Variants in NEDD4L observed in about 807,000 individuals in gnomAD.
NEDD4L encodes NEDD4 like E3 ubiquitin protein ligase, also known as E3 ubiquitin-protein ligase NEDD4-like.
NEDD4L carries 54 observed loss-of-function variants against 148.9 expected under a neutral mutation model. The ratio of observed to expected loss-of-function variants is 0.36; its 90% CI spans 0.29 to 0.45. NEDD4L has a LOEUF of 0.45. NEDD4L is among the 20% of genes least tolerant of loss of function. The pLI is 1.00. For synonymous variants in NEDD4L, 433 were observed against 440.7 expected (o/e 0.98, Z 0.22); for missense variants, 856 against 1,233.8 (o/e 0.69, Z 4.59).
intron 5 of NEDD4L, among the ~76,000 whole-genome samples, chr18:58,303,030 G>T (rs1290152569): frequency 6.6e-6 from 1 of 152,234 alleles, no homozygotes; most frequent in Non-Finnish European, 1.5e-5. Context: ...ATGCAAAAGT[G>T]AAGTAGACAC....
intron 5 of NEDD4L, among the ~76,000 whole-genome samples, chr18:58,284,064 A>G (rs1405877985): frequency 6.6e-6 from 1 of 152,210 alleles, no homozygotes; most frequent in East Asian, 1.9e-4. Context: ...CTCAGCCTTC[A>G]GAAGGAACCA....
chr18:58,241,642 G>A (rs2148349968), intron 2 of NEDD4L, among the ~76,000 whole-genome samples: 1 of 151,702 alleles, frequency 6.6e-6, no homozygotes, highest in South Asian at 2.1e-4. Context: ...GCTGCTGACT[G>A]CTTTTTTCCT....
At chr18:58,076,890 AC>A (rs2083192350) in intron 1 of NEDD4L, among the ~76,000 whole-genome samples, 1 of 139,662 alleles carries the variant, frequency 7.2e-6, no homozygotes, top group Admixed American at 7.8e-5. Flanking sequence ...TTGCTGTGTC[AC>A]CCAGGCTGGA....
At chr18:58,342,330 A>G (rs2042541162) in intron 15 of NEDD4L, among the ~76,000 whole-genome samples, 2 of 152,194 alleles carry the variant, frequency 1.3e-5, no homozygotes, top group South Asian at 4.1e-4. Flanking sequence ...TTAACATCAC[A>G]AATGTCAGAG....
chr18:58,180,043 A>G (rs78182801), intron 2 of NEDD4L, among the ~76,000 whole-genome samples: 1,902 of 152,198 alleles, frequency 0.012, 47 homozygotes, highest in African/African-American at 0.044. Flanking sequence ...TATTCTCTCT[A>G]TTCCTCCACC....
At chr18:58,127,641 C>T (rs1047909302) in intron 1 of NEDD4L, among the ~76,000 whole-genome samples, 4 of 151,890 alleles carry the variant, frequency 2.6e-5, no homozygotes, top group Admixed American at 6.6e-5. Context: ...AGATTGAGAC[C>T]ATCCTGGCCT....
chr18:58,289,296 G>A (rs1174844724), intron 5 of NEDD4L, among the ~76,000 whole-genome samples: 2 of 152,120 alleles, frequency 1.3e-5, no homozygotes, highest in Non-Finnish European at 2.9e-5. Flanking sequence ...AGGGGCAGGT[G>A]GGAGGAAGTC....
intron 1 of NEDD4L, among the ~76,000 whole-genome samples, chr18:58,149,771 C>G (rs577045894): frequency 4.9e-4 from 75 of 152,144 alleles, no homozygotes; most frequent in Non-Finnish European, 1.0e-3. Flanking sequence ...CAAGTCTAAC[C>G]AGGCCTGATT....
At chr18:58,395,995 C>T (rs1428459355) in intron 30 of NEDD4L, among the ~76,000 whole-genome samples, 172 bp from the exon 31 acceptor site, 1 of 152,054 alleles carries the variant, frequency 6.6e-6, no homozygotes, top group Non-Finnish European at 1.5e-5. Context: ...ATTACAAGAG[C>T]TTATTTAGTG....
chr18:58,293,791 C>T (rs969734573), intron 5 of NEDD4L, among the ~76,000 whole-genome samples: 1 of 152,150 alleles, frequency 6.6e-6, no homozygotes, highest in African/African-American at 2.4e-5. Flanking sequence ...GGTGCAGTCT[C>T]AACTCACTGC....
intron 1 of NEDD4L, among the ~76,000 whole-genome samples, chr18:58,158,904 C>G (rs1291400614): frequency 1.3e-5 from 2 of 152,158 alleles, no homozygotes; most frequent in Non-Finnish European, 2.9e-5. Context: ...CTGCCATTGA[C>G]TGTAAGCTCC....
rs2146898429 is a variant in NEDD4L, at chr18:58,177,820, A to AT, written c.122+11960dup. Among the ~76,000 whole-genome samples, 3 of 152,368 alleles carry AT rather than the reference A, an allele frequency of 2.0e-5. 1 individual carries two copies. The highest frequency in any genetic ancestry group is 7.2e-5 in the African/African-American group (3 of 41,580). On this transcript the variant is annotated intron_variant, in intron 2 of 30. Coordinates refer to ENST00000400345, the MANE Select transcript of NEDD4L (RefSeq NM_001144967.3). ...GTCATCGACTTTATAAAATTATTGA[A>AT]TAATTCTATTTGGGGGAGAAGCCTG...
intron 1 of NEDD4L, among the ~76,000 whole-genome samples, chr18:58,105,265 C>A (rs1429472264): frequency 6.6e-6 from 1 of 152,150 alleles, no homozygotes; most frequent in Non-Finnish European, 1.5e-5. Flanking sequence ...TGGGCTGTGA[C>A]AATGCTGTTT....
intron 2 of NEDD4L, among the ~76,000 whole-genome samples, chr18:58,216,955 G>A (rs2147848629): frequency 6.6e-6 from 1 of 152,332 alleles, no homozygotes; most frequent in East Asian, 1.9e-4. Flanking sequence ...GTCTGTAGCT[G>A]CCAGATTCTA....
At chr18:58,272,101 C>A (rs1003278188) in intron 5 of NEDD4L, among the ~76,000 whole-genome samples, 1 of 152,106 alleles carries the variant, frequency 6.6e-6, no homozygotes, top group Non-Finnish European at 1.5e-5. Flanking sequence ...GTTAGACTTT[C>A]CTTATACTTT....
At chr18:58,134,774 T>C (rs1228407283) in intron 1 of NEDD4L, among the ~76,000 whole-genome samples, 1 of 151,640 alleles carries the variant, frequency 6.6e-6, no homozygotes, top group Non-Finnish European at 1.5e-5. Flanking sequence ...TTTTCATTTT[T>C]TTTTTTTTTT....
intron 23 of NEDD4L, among the ~76,000 whole-genome samples, chr18:58,371,269 G>A (rs2046841268): frequency 7.0e-6 from 1 of 143,644 alleles, no homozygotes; most frequent in African/African-American, 2.7e-5. Context: ...TGGCCAGGAT[G>A]GTCTCGATCT....
chr18:58,305,817 T>C (rs960753413), intron 5 of NEDD4L, among the ~76,000 whole-genome samples: 1 of 152,226 alleles, frequency 6.6e-6, no homozygotes, highest in Non-Finnish European at 1.5e-5. Flanking sequence ...GAATTTTTCT[T>C]TTCCATTGCT....
chr18:58,282,212 C>G (rs1415222612), intron 5 of NEDD4L, among the ~76,000 whole-genome samples: 1 of 150,880 alleles, frequency 6.6e-6, no homozygotes, highest in African/African-American at 2.5e-5. Context: ...TCCATTTGTT[C>G]GTTGTGTTTA....
Sources: allele counts gnomAD v4.1 joint callset (sites outside exome capture counted in the v4.1 genomes callset), GRCh38; gene constraint gnomAD v4.1.1; transcripts MANE v1.5; gene names NCBI Gene and HGNC (gene_info 2026-07-23, HGNC 2026-07-21).